Variants in DCTN1 observed in about 807,000 individuals in gnomAD.
The protein encoded by DCTN1 is dynactin subunit 1, also known as 150 kDa dynein-associated polypeptide.
A neutral mutation model predicts 161.2 loss-of-function variants in DCTN1; 61 were observed. The ratio of observed to expected loss-of-function variants is 0.38; its 90% CI spans 0.31 to 0.47. DCTN1 has a LOEUF of 0.47. Among genes scored for constraint, DCTN1 ranks in the 20% least tolerant of loss-of-function variants. The pLI is 0.99. For missense variants in DCTN1, 1,404 were observed against 1,623.7 expected (o/e 0.86, Z 2.33); for synonymous variants, 653 against 632.4 (o/e 1.03, Z -0.49).
At position 74,365,638 on chromosome 2, in the gene DCTN1, G is replaced by C. The variant is rs1674349127; in HGVS notation, c.2906C>G (p.Ala969Gly). 1.9e-6 allele frequency: 3 copies of C among 1,613,982 alleles called. No individual in the cohort carries two copies. The highest frequency in any genetic ancestry group is 2.5e-6 in the Non-Finnish European group (3 of 1,180,028). The change falls in exon 25 of 32, where the codon GCC becomes GGC. Residue 969 changes from alanine to glycine, a missense_variant. Physicochemically the swap from Ala to Gly is moderately conservative, Grantham distance 60. This residue lies in a region of DCTN1 where 475 missense variants were observed against 489.8 expected (regional missense o/e 0.97). Transcript: ENST00000628224. ...CTCCAGGAGGCTCAGCCGCACATTG[G>C]CCTCACTTAGCTCCTCTCCCTGGAC... ...LKIKGEELSE[A>G]NVRLSLLEKK...
rs774858691 is a variant in DCTN1 at position 74,372,881 on chromosome 2, G to A, written c.453+47C>T. ...CCTCATACATCCACATGCCTGAAACGTGTGTGTACACTCAGCAGTGGCTCA... is the reference window on the plus strand; with the variant it reads ...CCTCATACATCCACATGCCTGAAACATGTGTGTACACTCAGCAGTGGCTCA... On this transcript the variant is annotated intron_variant, in intron 7 of 31. Coordinates refer to ENST00000628224, the MANE Select transcript of DCTN1 (RefSeq NM_004082.5). 2.4e-5 allele frequency: 39 copies of A among 1,599,966 alleles called. 1 individual carries two copies. Among genetic ancestry groups the A allele is most frequent in the South Asian group, 6.6e-5 (6 of 90,770 alleles).
chr2:74,366,105 G>A, intron 23 of DCTN1, 87 bp from the exon 24 acceptor site: 2 of 1,612,280 alleles, frequency 1.2e-6, no homozygotes, highest in South Asian at 2.2e-5. Flanking sequence ...CCAGTTACAG[G>A]GAAAACCCTG....
At chr2:74,374,698 G>A in intron 5 of DCTN1, 3 of 1,194,362 alleles carry the variant, frequency 2.5e-6, no homozygotes, top group Non-Finnish European at 3.2e-6. Context: ...CTGACGTCAT[G>A]CACCCACCCT....
At position 74,366,948 on chromosome 2, in the gene DCTN1, A is replaced by C; in HGVS notation, c.2317-16T>G. ...CCTGCCCACCCTACTCAGGAAAAAG[A>C]AAATGGATGGAGAACCAAGTTAGCA... On this transcript the variant is annotated splice_polypyrimidine_tract_variant and intron_variant, in intron 20 of 31. Coordinates refer to ENST00000628224, the MANE Select transcript of DCTN1 (RefSeq NM_004082.5). The C allele has an allele frequency of 1.9e-6, 3 of 1,614,228 alleles. No homozygotes were observed. Among genetic ancestry groups the C allele is most frequent in the Middle Eastern group, 3.3e-4 (2 of 6,062 alleles).
chr2:74,368,602 T>A, intron 16 of DCTN1, 126 bp downstream of exon 16: 1 of 1,301,528 alleles, frequency 7.7e-7, no homozygotes, highest in African/African-American at 1.4e-5. Context: ...GACTTTGCTG[T>A]GTTCCTCCAC....
At chr2:74,387,599 CTCTT>C (rs2103772851) in intron 1 of DCTN1, among the ~76,000 whole-genome samples, 1 of 152,370 alleles carries the variant, frequency 6.6e-6, no homozygotes, top group East Asian at 1.9e-4. Context: ...ACAACTCCCT[CTCTT>C]GTTCTCAACA....
intron 1 of DCTN1, 51 bp from the exon 2 acceptor site, chr2:74,378,296 G>A (rs1358879081): frequency 1.3e-6 from 2 of 1,596,736 alleles, no homozygotes; most frequent in Admixed American, 1.7e-5. Context: ...ATCAAAGGTG[G>A]CATTCTTATG....
chr2:74,389,674 T>C (rs181585557), intron 1 of DCTN1, among the ~76,000 whole-genome samples: 1 of 152,240 alleles, frequency 6.6e-6, no homozygotes. Flanking sequence ...TACTTCAGTC[T>C]GCCATGTAAT....
At chr2:74,381,373 C>T (rs1675503063), upstream of DCTN1, among the ~76,000 whole-genome samples, 1 of 152,158 alleles carries the variant, frequency 6.6e-6, no homozygotes, top group African/African-American at 2.4e-5. Flanking sequence ...GTGACTTTAC[C>T]CCGCTCTACC....
At position 74,371,492 on chromosome 2, in the gene DCTN1, C is replaced by T. The variant is rs900866182; in HGVS notation, c.645+45G>A. ...TCAAGACACAGCGGGTAGCCACAAG[C>T]CTCTGGGTGTCTTGATTCTCCTTTA... On this transcript the variant is annotated intron_variant, in intron 8 of 31. Coordinates refer to ENST00000628224, the MANE Select transcript of DCTN1 (RefSeq NM_004082.5). The T allele has an allele frequency of 4.6e-6, 7 of 1,529,908 alleles. No individual in the cohort carries two copies. The Admixed American group carries it at 1.4e-4, about 30-fold the overall frequency. 94.8% of individuals were successfully genotyped at this position (1,529,908 alleles called of 1,614,324 possible). A position where few individuals can be genotyped will look rare whatever the true frequency, so the allele number is the denominator to read the frequency against.
intron 31 of DCTN1, 52 bp downstream of exon 31, chr2:74,361,999 GC>G: frequency 1.3e-6 from 2 of 1,574,674 alleles, no homozygotes; most frequent in Middle Eastern, 1.9e-4. Context: ...GGAGAGGGGG[GC>G]CCGCCTGAGC....
chr2:74,390,284 G>A (rs916795714), intron 1 of DCTN1, among the ~76,000 whole-genome samples: 1 of 152,188 alleles, frequency 6.6e-6, no homozygotes, highest in Non-Finnish European at 1.5e-5. Flanking sequence ...AGGAAGACGG[G>A]TAACACTTCT....
chr2:74,362,671 A>C lies in DCTN1; in HGVS notation c.3588T>G (p.Ser1196Arg). ...TGACCTTGAGCTTCTCGACGGTGTCACTCAGGGACTTAAGCTGAGCCACTT... is the reference window on the plus strand; with the variant it reads ...TGACCTTGAGCTTCTCGACGGTGTCCCTCAGGGACTTAAGCTGAGCCACTT... ...MEQVAQLKSL[S>R]DTVEKLKDEV... The change falls in exon 30 of 32, where the codon AGT (serine) becomes AGG (arginine). Residue 1196 changes from serine to arginine, a missense_variant. This residue lies in a region of DCTN1 where 311 missense variants were observed against 298.9 expected (regional missense o/e 1.04). Transcript: ENST00000628224. 2 of 1,613,954 alleles carry C rather than the reference A, an allele frequency of 1.2e-6. No homozygotes were observed. Among genetic ancestry groups the C allele is most frequent in the Non-Finnish European group, 1.7e-6 (2 of 1,179,978 alleles).
At chr2:74,372,172 G>T (rs564681205) in intron 7 of DCTN1, 5 of 194,724 alleles carry the variant, frequency 2.6e-5, no homozygotes, top group African/African-American at 4.7e-5. Flanking sequence ...ACCCCTAGAC[G>T]GAAAAAGTAC....
At chr2:74,368,942 G>A in intron 15 of DCTN1, 62 bp from the exon 16 acceptor site, 1 of 1,602,410 alleles carries the variant, frequency 6.2e-7, no homozygotes, top group Non-Finnish European at 8.5e-7. Context: ...AAATTCCCAT[G>A]CCTTGCTCCA....
chr2:74,380,121 G>A lies in DCTN1; in HGVS notation c.-84C>T, dbSNP rs371764844. 9 of 1,484,700 alleles carry A rather than the reference G, an allele frequency of 6.1e-6. No individual in the cohort carries two copies. Among genetic ancestry groups the A allele is most frequent in the East Asian group, 4.5e-5 (2 of 44,100 alleles). The allele number at this position is 1,484,700 out of a possible 1,614,324, so 92.0% of individuals were successfully genotyped here. A position where few individuals can be genotyped will look rare whatever the true frequency, so the allele number is the denominator to read the frequency against. On this transcript the variant is annotated 5_prime_UTR_variant, in exon 1 of 32. Coordinates refer to ENST00000628224, the MANE Select transcript of DCTN1 (RefSeq NM_004082.5). ...GAAACCTAGGCAGGAGGGTCAGGGCGCTGGGCCCTCATAGAGGGACACAGG... is the reference window on the plus strand; with the variant it reads ...GAAACCTAGGCAGGAGGGTCAGGGCACTGGGCCCTCATAGAGGGACACAGG...
chr2:74,391,557 G>A (rs143942360), intron 1 of DCTN1: 19 of 328,084 alleles, frequency 5.8e-5, no homozygotes, highest in African/African-American at 3.2e-4. Context: ...AGTTCTGGAG[G>A]AACTCTAAGG....
chr2:74,390,082 TAA>T (rs764043985), intron 1 of DCTN1, among the ~76,000 whole-genome samples: 3 of 152,218 alleles, frequency 2.0e-5, no homozygotes, highest in Non-Finnish European at 4.4e-5. Flanking sequence ...GTCAACTGCT[TAA>T]GATACTTTTC....
intron 6 of DCTN1, chr2:74,374,057 A>G (rs1675064439): frequency 3.8e-6 from 2 of 521,286 alleles, no homozygotes; most frequent in South Asian, 3.5e-5. Flanking sequence ...TATGCGGTAG[A>G]GGCTGCCTGA....
Sources: allele counts gnomAD v4.1 joint callset (sites outside exome capture counted in the v4.1 genomes callset), GRCh38; gene constraint gnomAD v4.1.1; regional missense constraint gnomAD v4.1.1; transcripts MANE v1.5; gene names NCBI Gene and HGNC (gene_info 2026-07-23, HGNC 2026-07-21).